Variants in KIAA0513 observed in about 807,000 individuals in gnomAD.
KIAA0513 encodes KIAA0513.
In KIAA0513, 39 loss-of-function variants were observed where a neutral mutation model predicts 56.5. The observed-to-expected ratio is 0.69, with a 90% CI of 0.53 to 0.90. KIAA0513 has a LOEUF of 0.90. Ranked by LOEUF, KIAA0513 falls within the 40% of genes least tolerant of loss-of-function variation. The pLI is 0.00. For missense variants in KIAA0513, 591 were observed against 535.2 expected, an observed-to-expected ratio of 1.10 and a Z score of -1.03; for synonymous variants, 268 against 215.6, an observed-to-expected ratio of 1.24 and a Z score of -2.13.
Position 85,088,458 on chromosome 16 carries a change from C to G in KIAA0513, c.*133C>G, listed in dbSNP as rs1420359885. On this transcript the variant is annotated 3_prime_UTR_variant, in exon 13 of 13. Coordinates refer to ENST00000683363, the MANE Select transcript of KIAA0513 (RefSeq NM_001388359.1). ...CAGAGCCACTCCTGCTGCCCTAGAA[C>G]TAGCGGTTAGAAGAATCCGCTGTTC... The G allele has an allele frequency of 9.8e-6, 7 of 711,310 alleles. No individual in the cohort carries two copies. The Admixed American group carries it at 1.6e-4, about 16-fold the overall frequency. 44.1% of individuals were successfully genotyped at this position (711,310 alleles called of 1,614,324 possible).
intron 1 of KIAA0513, among the ~76,000 whole-genome samples, chr16:85,033,593 T>G (rs1387542166): frequency 6.6e-6 from 1 of 151,902 alleles, no homozygotes; most frequent in Admixed American, 6.6e-5. Context: ...TCTGCACTTC[T>G]GCATCTCATA....
At chr16:85,050,351 A>T (rs923365658) in intron 1 of KIAA0513, among the ~76,000 whole-genome samples, 114 of 77,194 alleles carry the variant, frequency 1.5e-3, no homozygotes, top group Middle Eastern at 6.8e-3. Flanking sequence ...TTATTTATTT[A>T]TTTATTTATT....
intron 6 of KIAA0513, 67 bp downstream of exon 6, chr16:85,077,699 C>CG: frequency 2.5e-6 from 3 of 1,183,982 alleles, no homozygotes; most frequent in East Asian, 2.4e-5. Context: ...GGAGCTCGGA[C>CG]GGGGGCAGCA....
chr16:85,073,572 G>A (rs1430549661), intron 4 of KIAA0513, among the ~76,000 whole-genome samples: 1 of 152,218 alleles, frequency 6.6e-6, no homozygotes, highest in Non-Finnish European at 1.5e-5. Context: ...CAGACCCCAT[G>A]AGGCATAGAC....
At chr16:85,070,897 T>C (rs962279593) in intron 2 of KIAA0513, among the ~76,000 whole-genome samples, 35 of 152,212 alleles carry the variant, frequency 2.3e-4, no homozygotes, top group Non-Finnish European at 7.3e-5. Flanking sequence ...ATACGGAATG[T>C]GGACACCTGA....
At chr16:85,073,117 G>C in intron 4 of KIAA0513, 119 bp downstream of exon 4, 1 of 848,260 alleles carries the variant, frequency 1.2e-6, no homozygotes, top group Non-Finnish European at 2.0e-6. Flanking sequence ...TAGTCATCAG[G>C]TTGCAGTTGC....
chr16:85,077,026 C>T (rs551638923), intron 5 of KIAA0513, among the ~76,000 whole-genome samples: 19 of 151,950 alleles, frequency 1.3e-4, no homozygotes, highest in East Asian at 7.7e-4. Flanking sequence ...TCCTCCAGGC[C>T]CCCCCCCAAC....
intron 1 of KIAA0513, among the ~76,000 whole-genome samples, chr16:85,039,686 T>C (rs1234338987): frequency 3.9e-5 from 6 of 152,164 alleles, no homozygotes; most frequent in African/African-American, 1.4e-4. Flanking sequence ...TTGGCCAGGC[T>C]GGTCTTGAAC....
intron 1 of KIAA0513, among the ~76,000 whole-genome samples, chr16:85,053,180 C>T (rs761955312): frequency 2.6e-5 from 4 of 152,218 alleles, no homozygotes; most frequent in East Asian, 1.9e-4. Flanking sequence ...TGAGCCACCA[C>T]GCCCGACCTG....
chr16:85,028,065 G>T (rs2072913054), intron 1 of KIAA0513, among the ~76,000 whole-genome samples: 1 of 152,110 alleles, frequency 6.6e-6, no homozygotes, highest in Non-Finnish European at 1.5e-5. Flanking sequence ...GGTTCTCCGC[G>T]GGCTCCTCGC....
At chr16:85,068,259 C>T (rs1362452187) in intron 2 of KIAA0513, among the ~76,000 whole-genome samples, 11 of 151,470 alleles carry the variant, frequency 7.3e-5, no homozygotes, top group South Asian at 2.1e-4. Flanking sequence ...TGAGTTCAAA[C>T]AATTCTCCTG....
intron 6 of KIAA0513, 51 bp downstream of exon 6, chr16:85,077,683 T>C: frequency 7.0e-7 from 1 of 1,422,208 alleles, no homozygotes; most frequent in Non-Finnish European, 9.7e-7. Context: ...GGGGAGAGGC[T>C]GGTGTGGAGC....
chr16:85,077,295 C>G, intron 5 of KIAA0513, 130 bp from the exon 6 acceptor site: 1 of 828,522 alleles, frequency 1.2e-6, no homozygotes, highest in Non-Finnish European at 1.9e-6. Flanking sequence ...ACCCCCTGTC[C>G]TCGGCTGAGG....
intron 2 of KIAA0513, among the ~76,000 whole-genome samples, chr16:85,070,480 C>G (rs1289799578): frequency 6.6e-6 from 1 of 152,106 alleles, no homozygotes; most frequent in African/African-American, 2.4e-5. Flanking sequence ...GAGTTTGAGA[C>G]CAGCCTGGCC....
intron 1 of KIAA0513, among the ~76,000 whole-genome samples, chr16:85,029,346 T>C (rs2143817442): frequency 6.6e-6 from 1 of 152,350 alleles, no homozygotes; most frequent in East Asian, 1.9e-4. Context: ...TTGTATGGGA[T>C]GTGTCAGTTA....
chr16:85,057,778 T>TC (rs2073350539), intron 1 of KIAA0513, among the ~76,000 whole-genome samples: 1 of 151,776 alleles, frequency 6.6e-6, no homozygotes, highest in South Asian at 2.1e-4. Flanking sequence ...TGTTTTTTTT[T>TC]TTTTTCTCTC....
At chr16:85,080,927 CA>C (rs1567545415) in intron 8 of KIAA0513, among the ~76,000 whole-genome samples, 1 of 152,228 alleles carries the variant, frequency 6.6e-6, no homozygotes, top group Admixed American at 6.5e-5. Context: ...TAGAAAAGCA[CA>C]CCTTCCCAGC....
chr16:85,074,462 C>T (rs191919201), intron 4 of KIAA0513, among the ~76,000 whole-genome samples: 9 of 152,230 alleles, frequency 5.9e-5, no homozygotes, highest in East Asian at 5.8e-4. Context: ...GGATTACAGG[C>T]GTGAAACACC....
intron 3 of KIAA0513, 66 bp downstream of exon 3, chr16:85,071,948 A>C (rs8058770): frequency 0.36 from 390,930 of 1,081,222 alleles, 73,822 homozygotes; most frequent in South Asian, 0.5. Context: ...AAGCATAACA[A>C]ATTTGACTTT....
Sources: allele counts gnomAD v4.1 joint callset (sites outside exome capture counted in the v4.1 genomes callset), GRCh38; gene constraint gnomAD v4.1.1; transcripts MANE v1.5; gene names NCBI Gene and HGNC (gene_info 2026-07-23, HGNC 2026-07-21).